The following ARHGEF9 variants were observed in gnomAD, a reference collection of about 807,000 sequenced individuals.
ARHGEF9 encodes the protein Cdc42 guanine nucleotide exchange factor 9.
Under a neutral mutation model 41.3 loss-of-function variants are expected in ARHGEF9, and 2 were observed. That is an observed-to-expected ratio of 0.05 (90% CI 0.02 to 0.15). ARHGEF9 has a LOEUF of 0.15. Among genes scored for constraint, ARHGEF9 ranks in the 10% least tolerant of loss-of-function variants. The pLI is 1.00. For missense variants in ARHGEF9, 225 were observed against 424.7 expected (o/e 0.53, Z 4.13); for synonymous variants, 160 against 154.4 (o/e 1.04, Z -0.27).
At chrX:63,675,667 C>T (rs1393186895) in intron 5 of ARHGEF9, among the ~76,000 whole-genome samples, 1 of 112,329 alleles carries the variant, frequency 8.9e-6, no homozygotes, top group Non-Finnish European at 1.9e-5. Context: ...GTAGAGCCAT[C>T]ACATGGGATG....
intron 1 of ARHGEF9, among the ~76,000 whole-genome samples, chrX:63,776,617 A>G (rs1233478115): frequency 1.8e-5 from 2 of 111,841 alleles, no homozygotes; most frequent in Non-Finnish European, 3.8e-5. Context: ...ATTATCCCCA[A>G]GGTCATCCAA....
intron 4 of ARHGEF9, 115 bp from the exon 5 acceptor site, chrX:63,678,687 T>A: frequency 2.0e-6 from 1 of 506,992 alleles, no homozygotes; most frequent in Admixed American, 3.2e-5. Flanking sequence ...TGATAATGAG[T>A]CAATTATTCT....
chrX:63,739,743 G>C (rs782116486), intron 1 of ARHGEF9, among the ~76,000 whole-genome samples: 3 of 112,281 alleles, frequency 2.7e-5, no homozygotes, highest in African/African-American at 6.5e-5. Flanking sequence ...TCCAAACTAT[G>C]TGTAATTACA....
rs1556301016 is a variant in ARHGEF9, at chrX:63,638,120, C to T, written c.1480G>A (p.Ala494Thr). Residue 494 changes from alanine to threonine, a missense_variant, in exon 10 of 10, where the codon GCT (alanine) becomes ACT (threonine). By Grantham distance (58) the Ala-to-Thr change is moderately conservative. Transcript: ENST00000671741. ...HGQYLVPDGI[A>T]QSQVFEFTEP... is the part of the protein sequence containing the mutation. ...GTGAACTCAAAGACCTGCGACTGAG[C>T]GATGCCGTCGGGGACCAGGTACTGG... is the stretch of plus-strand genomic sequence containing the variant. The T allele has an allele frequency of 9.1e-6, 11 of 1,207,117 alleles. No homozygotes were observed. The highest frequency in any genetic ancestry group is 4.4e-5 in the Admixed American group (2 of 45,542).
chrX:63,700,578 A>C (rs1556394368), intron 3 of ARHGEF9, among the ~76,000 whole-genome samples: 2 of 111,976 alleles, frequency 1.8e-5, no homozygotes, highest in African/African-American at 6.5e-5. Flanking sequence ...TGGGAGAGGC[A>C]ATTGGAAGGT....
intron 3 of ARHGEF9, among the ~76,000 whole-genome samples, chrX:63,697,679 C>A (rs1293644781): frequency 9.0e-6 from 1 of 111,601 alleles, no homozygotes; most frequent in Admixed American, 9.5e-5. Flanking sequence ...CCTTATAGGA[C>A]CAAACCAAAG....
chrX:63,755,170 G>A (rs1217768659), intron 1 of ARHGEF9: 2 of 937,443 alleles, frequency 2.1e-6, no homozygotes, highest in Non-Finnish European at 2.6e-6. Flanking sequence ...AGCGACTGCG[G>A]GCGCTTGCGT....
intron 8 of ARHGEF9, among the ~76,000 whole-genome samples, chrX:63,651,376 C>T (rs1394603001): frequency 9.0e-6 from 1 of 110,924 alleles, no homozygotes; most frequent in African/African-American, 3.3e-5. Flanking sequence ...CAAGAAATGA[C>T]AAACAGAAGA....
intron 9 of ARHGEF9, chrX:63,641,722 A>G (rs189553966): frequency 8.9e-6 from 1 of 112,221 alleles, no homozygotes; most frequent in Non-Finnish European, 1.9e-5. Context: ...TAATAGTGTC[A>G]ACTTGACTGG....
intron 7 of ARHGEF9, among the ~76,000 whole-genome samples, chrX:63,664,589 T>C (rs1163215839): frequency 5.3e-5 from 6 of 112,229 alleles, no homozygotes; most frequent in Non-Finnish European, 7.5e-5. Context: ...CCTCCTGATT[T>C]TATGAAAGTC....
At chrX:63,729,672 A>AC (rs1377018765) in intron 1 of ARHGEF9, among the ~76,000 whole-genome samples, 1 of 111,966 alleles carries the variant, frequency 8.9e-6, no homozygotes, top group Non-Finnish European at 1.9e-5. Flanking sequence ...CTAGCAAGGT[A>AC]CTCAAAGAGC....
intron 4 of ARHGEF9, among the ~76,000 whole-genome samples, chrX:63,683,479 A>T (rs1215807838): frequency 7.2e-5 from 8 of 111,679 alleles, no homozygotes; most frequent in Non-Finnish European, 3.8e-5. Flanking sequence ...GGCATTTTTC[A>T]TGGAAATAGA....
intron 1 of ARHGEF9, among the ~76,000 whole-genome samples, chrX:63,784,799 C>T (rs1349642690): frequency 1.8e-5 from 2 of 111,417 alleles, no homozygotes; most frequent in Non-Finnish European, 3.8e-5. Context: ...CCTCTGCCAT[C>T]CCCCTTCCCT....
chrX:63,715,901 G>A (rs1334570549), intron 2 of ARHGEF9: 1 of 112,201 alleles, frequency 8.9e-6, no homozygotes, highest in Admixed American at 9.4e-5. Context: ...ATGAGATAGT[G>A]GTGATGGTTG....
At chrX:63,769,662 G>A (rs1307209669) in intron 1 of ARHGEF9, among the ~76,000 whole-genome samples, 1 of 111,437 alleles carries the variant, frequency 9.0e-6, no homozygotes, top group Non-Finnish European at 1.9e-5. Flanking sequence ...TCAATCTAGG[G>A]ACTTGGTGCC....
At chrX:63,735,658 G>T (rs1481644209) in intron 1 of ARHGEF9, among the ~76,000 whole-genome samples, 2 of 111,229 alleles carry the variant, frequency 1.8e-5, no homozygotes, top group Non-Finnish European at 3.8e-5. Context: ...ACTGTGACCT[G>T]CTCCTATATC....
intron 2 of ARHGEF9, chrX:63,709,282 C>A (rs374324423): frequency 8.9e-6 from 1 of 112,095 alleles, no homozygotes; most frequent in South Asian, 3.8e-4. Context: ...AGCCTTTGAA[C>A]TTCACTGAAC....
chrX:63,767,145 C>T, intron 1 of ARHGEF9: 1 of 896,849 alleles, frequency 1.1e-6, no homozygotes, highest in Non-Finnish European at 1.6e-6. Context: ...TGTGACAAAG[C>T]AGCTGACAGA....
At chrX:63,736,479 T>C (rs1556422995) in intron 1 of ARHGEF9, among the ~76,000 whole-genome samples, 1 of 110,271 alleles carries the variant, frequency 9.1e-6, no homozygotes, top group East Asian at 2.8e-4. Flanking sequence ...TACTCAGAGG[T>C]GGTCAGGATT....
Sources: allele counts gnomAD v4.1 joint callset (sites outside exome capture counted in the v4.1 genomes callset), GRCh38; gene constraint gnomAD v4.1.1; transcripts MANE v1.5; gene names NCBI Gene and HGNC (gene_info 2026-07-23, HGNC 2026-07-21).